The following GLIS1 variants were observed in gnomAD, a reference collection of about 807,000 sequenced individuals.
GLIS1 encodes the protein GLIS family zinc finger 1, also known as zinc finger protein GLIS1.
A neutral mutation model predicts 63.8 loss-of-function variants in GLIS1; 24 were observed. The observed-to-expected ratio is 0.38, with a 90% CI of 0.27 to 0.53. The LOEUF is 0.53. Ranked by LOEUF, GLIS1 falls within the 20% of genes least tolerant of loss-of-function variation. The pLI, the probability that GLIS1 is intolerant of heterozygous loss-of-function variation, is 0.85. For synonymous variants in GLIS1, 450 were observed against 482.5 expected, an observed-to-expected ratio of 0.93 and a Z score of 0.88; for missense variants, 1,036 against 1,074.1, an observed-to-expected ratio of 0.96 and a Z score of 0.50.
intron 4 of GLIS1, among the ~76,000 whole-genome samples, chr1:53,571,826 C>A (rs1057198099): frequency 1.5e-4 from 23 of 152,202 alleles, no homozygotes; most frequent in African/African-American, 5.1e-4. Flanking sequence ...GATCCGCCCG[C>A]CTCAGCCTCC....
chr1:53,687,540 G>A (rs1646351958), intron 2 of GLIS1, among the ~76,000 whole-genome samples: 1 of 152,154 alleles, frequency 6.6e-6, no homozygotes, highest in African/African-American at 2.4e-5. Context: ...TGAGAGCCGA[G>A]GAGCTTCCTG....
At chr1:53,571,933 G>A (rs1448973773) in intron 4 of GLIS1, among the ~76,000 whole-genome samples, 1 of 152,098 alleles carries the variant, frequency 6.6e-6, no homozygotes, top group East Asian at 1.9e-4. Context: ...CATACAGTAT[G>A]AGACTATTTT....
At chr1:53,722,378 A>G (rs1646764356) in intron 2 of GLIS1, among the ~76,000 whole-genome samples, 1 of 152,226 alleles carries the variant, frequency 6.6e-6, no homozygotes, top group Non-Finnish European at 1.5e-5. Flanking sequence ...TATTATGCAC[A>G]TGCAAGTAAT....
In GLIS1 at chr1:53,509,898, G is replaced by A; in HGVS notation, c.2013C>T (p.Ser671=). 2.3e-6 allele frequency: 3 copies of A among 1,308,532 alleles called. No individual in the cohort carries two copies. Among genetic ancestry groups the A allele is most frequent in the Non-Finnish European group, 2.9e-6 (3 of 1,020,126 alleles). The allele number at this position is 1,308,532 out of a possible 1,614,324, so 81.1% of individuals were successfully genotyped here. Residue 671 remains serine (S), a synonymous_variant, in exon 9 of 11, where the codon TCC becomes TCT. Coordinates refer to ENST00000628545, the MANE Select transcript of GLIS1 (RefSeq NM_001367484.1). ...QPFPTLPSKP[S]YPPFQSPPPP... ...GTGGAGGGCTCTGGAAGGGTGGGTAGGACGGCTTGCTGGGGAGTGTGGGGA... is the reference window on the plus strand; with the variant it reads ...GTGGAGGGCTCTGGAAGGGTGGGTAAGACGGCTTGCTGGGGAGTGTGGGGA...
At chr1:53,673,701 G>C (rs1023295430) in intron 2 of GLIS1, among the ~76,000 whole-genome samples, 2 of 152,236 alleles carry the variant, frequency 1.3e-5, no homozygotes. Flanking sequence ...AAAAACAAAA[G>C]AACGAAGTTC....
intron 2 of GLIS1, among the ~76,000 whole-genome samples, chr1:53,623,457 TG>T (rs2100212780): frequency 1.3e-5 from 2 of 152,336 alleles, no homozygotes; most frequent in South Asian, 4.1e-4. Flanking sequence ...AAAGGCTGAA[TG>T]TTTCCCCCCA....
intron 2 of GLIS1, among the ~76,000 whole-genome samples, chr1:53,617,072 C>G (rs978922182): frequency 3.3e-5 from 5 of 152,030 alleles, no homozygotes; most frequent in African/African-American, 1.2e-4. Flanking sequence ...CAGCCTAGGC[C>G]CTAGGCTGGA....
At chr1:53,525,770 C>G (rs187183850) in intron 5 of GLIS1, among the ~76,000 whole-genome samples, 20 of 152,136 alleles carry the variant, frequency 1.3e-4, no homozygotes, top group African/African-American at 4.6e-4. Flanking sequence ...CACCTCCCAC[C>G]ACGAGCACCT....
chr1:53,671,002 A>G (rs1646145338), intron 2 of GLIS1, among the ~76,000 whole-genome samples: 1 of 152,266 alleles, frequency 6.6e-6, no homozygotes. Context: ...TGGCACACGA[A>G]GAAAAATTTT....
chr1:53,651,838 C>A (rs561099854), intron 2 of GLIS1, among the ~76,000 whole-genome samples: 1 of 149,656 alleles, frequency 6.7e-6, no homozygotes, highest in South Asian at 2.1e-4. Context: ...CGTGCCACTG[C>A]ACTCCAGACT....
rs539536667 is a variant in GLIS1 at position 53,506,612 on chromosome 1, G to A, written c.*7C>T. On this transcript the variant is annotated 3_prime_UTR_variant, in exon 11 of 11. Coordinates refer to ENST00000628545, the MANE Select transcript of GLIS1 (RefSeq NM_001367484.1). ...TGCTGGATGGGCAGGCGCATGTGGG[G>A]GCTCCTTCAGGTGTCTGTGTAGATG... 1.3e-4 allele frequency: 214 copies of A among 1,613,076 alleles called. 3 individuals are homozygous for A. The South Asian group carries it at 2.2e-3, about 16-fold the overall frequency.
Position 53,725,603 on chromosome 1 carries a change from G to A in GLIS1, c.259+12203C>T, listed in dbSNP as rs551246169. 2.0e-3 allele frequency among the ~76,000 whole-genome samples: 308 copies of A among 152,330 alleles called. 2 individuals are homozygous for A. Among genetic ancestry groups the A allele is most frequent in the African/African-American group, 7.2e-3 (301 of 41,578 alleles). ...CCTGCAAACACCGACCCTCCAGGCT[G>A]CGAGCTCCGAGGAGGCAAGGGCTCC... On this transcript the variant is annotated intron_variant, in intron 2 of 10. Transcript: ENST00000628545.
At chr1:53,569,419 T>C (rs1644963570) in intron 4 of GLIS1, among the ~76,000 whole-genome samples, 1 of 152,108 alleles carries the variant, frequency 6.6e-6, no homozygotes, top group South Asian at 2.1e-4. Flanking sequence ...GGTAACTCCA[T>C]GTACCTTCCA....
chr1:53,662,948 G>A (rs1022862178), intron 2 of GLIS1, among the ~76,000 whole-genome samples: 1 of 152,178 alleles, frequency 6.6e-6, no homozygotes, highest in African/African-American at 2.4e-5. Context: ...AAAGGTAACT[G>A]CCCAAGGTCA....
intron 4 of GLIS1, among the ~76,000 whole-genome samples, chr1:53,555,814 T>C (rs1644814086): frequency 6.7e-6 from 1 of 149,922 alleles, no homozygotes; most frequent in Admixed American, 6.6e-5. Context: ...CAGGTGTGTG[T>C]ATGCAGGTGT....
intron 4 of GLIS1, among the ~76,000 whole-genome samples, chr1:53,535,576 A>G (rs527560864): frequency 6.6e-6 from 1 of 151,826 alleles, no homozygotes; most frequent in Non-Finnish European, 1.5e-5. Context: ...AGCCAGGAAC[A>G]TGTTCCCTCC....
chr1:53,548,971 TG>T (rs1217292585), intron 4 of GLIS1, among the ~76,000 whole-genome samples: 1 of 152,232 alleles, frequency 6.6e-6, no homozygotes, highest in East Asian at 1.9e-4. Flanking sequence ...TAGAAACCAC[TG>T]ATCTACTTTC....
intron 2 of GLIS1, among the ~76,000 whole-genome samples, chr1:53,712,140 A>G (rs1281322553): frequency 6.6e-6 from 1 of 152,114 alleles, no homozygotes; most frequent in Non-Finnish European, 1.5e-5. Context: ...GGCAACACCA[A>G]ATTCCTCCCC....
In GLIS1 at chr1:53,707,117, T is replaced by C. The variant is rs1298927536; in HGVS notation, c.259+30689A>G. On this transcript the variant is annotated intron_variant, in intron 2 of 10. Coordinates refer to ENST00000628545, the MANE Select transcript of GLIS1 (RefSeq NM_001367484.1). ...ATAATAGGATAAAAGCCCTCCCTCA[T>C]CCCTTCCAGTCCCCTTCCTTCCCTG... Among the ~76,000 whole-genome samples the C allele has an allele frequency of 2.6e-5, 4 of 152,084 alleles. No homozygotes were observed. The South Asian group carries it at 6.2e-4, about 24-fold the overall frequency.
Sources: gnomAD v4.1 joint callset for allele counts (sites outside exome capture counted in the v4.1 genomes callset) on GRCh38, gnomAD v4.1.1 for gene constraint, MANE v1.5 for transcripts, NCBI Gene and HGNC (gene_info 2026-07-23, HGNC 2026-07-21) for gene names.